Variants in GABPB1 observed in about 807,000 individuals in gnomAD.
The protein encoded by GABPB1 is GA binding protein transcription factor subunit beta 1, also known as GA-binding protein subunit beta-1.
GABPB1 carries 15 observed loss-of-function variants against 45.9 expected under a neutral mutation model. That is an observed-to-expected ratio of 0.33 (90% CI 0.22 to 0.50). The LOEUF (loss-of-function observed/expected upper bound fraction) is 0.50. Among genes scored for constraint, GABPB1 ranks in the 20% least tolerant of loss-of-function variants. GABPB1 has a pLI of 0.98. For missense variants in GABPB1, 252 were observed against 457.5 expected (o/e 0.55, Z 4.10); for synonymous variants, 143 against 154.4 (o/e 0.93, Z 0.55).
In GABPB1 at chr15:50,276,986, T is replaced by C. The variant is rs1230657834; in HGVS notation, c.*1646A>G. 6.6e-6 allele frequency: 1 copy of C among 152,222 alleles called. No homozygotes were observed. The highest frequency in any genetic ancestry group is 2.4e-5 in the African/African-American group (1 of 41,462). The allele number at this position is 152,222 out of a possible 1,614,324, so 9.4% of individuals were successfully genotyped here. On this transcript the variant is annotated 3_prime_UTR_variant, in exon 9 of 9. Coordinates refer to ENST00000380877, the MANE Select transcript of GABPB1 (RefSeq NM_016654.5). Reference sequence around the variant, plus strand: ...TGAAAAAGATCTTTTTCCTCTTCCTTACAGAGTTCTTCAATTTGCCCTAAA... The same window carrying C: ...TGAAAAAGATCTTTTTCCTCTTCCTCACAGAGTTCTTCAATTTGCCCTAAA...
At chr15:50,354,960 G>A (rs1482711368) in intron 1 of GABPB1, 25 bp downstream of exon 1, 2 of 213,306 alleles carry the variant, frequency 9.4e-6, no homozygotes, top group Non-Finnish European at 1.9e-5. Flanking sequence ...GGTGGTAACA[G>A]GGCCCTACAC....
In GABPB1 at chr15:50,335,294, T is replaced by C. The variant is rs1366976998; in HGVS notation, c.-1+19691A>G. 3.3e-5 allele frequency among the ~76,000 whole-genome samples: 5 copies of C among 152,182 alleles called. No homozygotes were observed. The East Asian group carries it at 9.6e-4, about 29-fold the overall frequency. On this transcript the variant is annotated intron_variant, in intron 1 of 8. Coordinates refer to ENST00000380877, the MANE Select transcript of GABPB1 (RefSeq NM_016654.5). ...CATCCTTACCTCTCAGCTGTAGATA[T>C]ATGGAGCCCAAGCCTAATTAGGCAA...
chr15:50,340,654 C>A (rs1257789932), intron 1 of GABPB1, among the ~76,000 whole-genome samples: 1 of 151,252 alleles, frequency 6.6e-6, no homozygotes, highest in Non-Finnish European at 1.5e-5. Context: ...GAAAGAACTT[C>A]CTCATTTTTT....
intron 1 of GABPB1, among the ~76,000 whole-genome samples, chr15:50,324,644 A>G (rs1000145923): frequency 8.1e-5 from 12 of 148,692 alleles, no homozygotes; most frequent in Non-Finnish European, 1.8e-4. Flanking sequence ...TCCCGAGTTC[A>G]AGCAATTCCC....
intron 1 of GABPB1, among the ~76,000 whole-genome samples, chr15:50,323,010 C>G (rs1229890088): frequency 6.6e-6 from 1 of 152,168 alleles, no homozygotes; most frequent in Non-Finnish European, 1.5e-5. Flanking sequence ...GTCTGGGCAA[C>G]AGGAGTGAGA....
chr15:50,353,092 T>C (rs1471291606), intron 1 of GABPB1: 1 of 152,258 alleles, frequency 6.6e-6, no homozygotes, highest in Non-Finnish European at 1.5e-5. Flanking sequence ...TGATAGCATA[T>C]GTGGAATTCA....
intron 5 of GABPB1, 129 bp from the exon 6 acceptor site, chr15:50,301,031 G>A (rs534821196): frequency 1.3e-6 from 1 of 788,256 alleles, no homozygotes; most frequent in African/African-American, 1.7e-5. Flanking sequence ...AGGTAATACT[G>A]CAGTAAATTT....
chr15:50,317,161 C>T (rs529431804), intron 1 of GABPB1, among the ~76,000 whole-genome samples: 8 of 151,822 alleles, frequency 5.3e-5, no homozygotes, highest in Non-Finnish European at 7.4e-5. Flanking sequence ...TTTGGGAGGC[C>T]GAGGCAGGTG....
intron 6 of GABPB1, among the ~76,000 whole-genome samples, chr15:50,297,503 C>A (rs888658315): frequency 6.6e-6 from 1 of 152,162 alleles, no homozygotes; most frequent in Non-Finnish European, 1.5e-5. Flanking sequence ...AGTGAGCCTG[C>A]GCTCCCGGCA....
intron 1 of GABPB1, among the ~76,000 whole-genome samples, chr15:50,310,706 C>T (rs891695260): frequency 2.6e-5 from 4 of 152,068 alleles, no homozygotes; most frequent in Non-Finnish European, 2.9e-5. Flanking sequence ...AGGCCAGGTG[C>T]GATGGCACAT....
In GABPB1 at chr15:50,278,661, G is replaced by C; in HGVS notation, c.1123C>G (p.Arg375Gly). 1.2e-6 allele frequency: 2 copies of C among 1,611,762 alleles called. No individual in the cohort carries two copies. Among genetic ancestry groups the C allele is most frequent in the South Asian group, 1.1e-5 (1 of 90,434 alleles). The change falls in exon 9 of 9, where the codon CGT becomes GGT. Residue 375 changes from arginine to glycine, a missense_variant. By Grantham distance (125) the Arg-to-Gly change is moderately radical. Coordinates refer to ENST00000380877, the MANE Select transcript of GABPB1 (RefSeq NM_016654.5). ...ACAGCTTCTTTATTAGTCTGAAGAC[G>C]AGTCATAGCTTCCAACTTCTGTCTG... ...AYRQKLEAMTRLQTNKEAV is the reference protein window; with the variant it reads ...AYRQKLEAMTGLQTNKEAV
At chr15:50,313,006 T>C (rs1477037040) in intron 1 of GABPB1, among the ~76,000 whole-genome samples, 1 of 152,176 alleles carries the variant, frequency 6.6e-6, no homozygotes, top group South Asian at 2.1e-4. Context: ...CACATAGTAT[T>C]TTCTATGGGT....
intron 8 of GABPB1, among the ~76,000 whole-genome samples, chr15:50,285,593 T>C (rs2046125884): frequency 6.6e-6 from 1 of 152,138 alleles, no homozygotes; most frequent in South Asian, 2.1e-4. Flanking sequence ...CTAGTCTAAA[T>C]TCATTTACTT....
At chr15:50,290,754 G>C (rs1360806900) in intron 6 of GABPB1, among the ~76,000 whole-genome samples, 1 of 152,208 alleles carries the variant, frequency 6.6e-6, no homozygotes, top group Non-Finnish European at 1.5e-5. Context: ...GTGGTACTAT[G>C]TGATAGTAAA....
Position 50,304,074 on chromosome 15 carries a change from T to C in GABPB1, c.168A>G (p.Val56=), listed in dbSNP as rs2046852996. The C allele has an allele frequency of 1.2e-6, 2 of 1,613,340 alleles. No individual in the cohort carries two copies. The highest frequency in any genetic ancestry group is 2.2e-5 in the South Asian group (2 of 90,948). ...AQYGHYSTTE[V]LLRAGVSRDA... is the part of the protein sequence containing the mutation. ...CTCTGCTCACACCAGCTCGCAGCAG[T>C]ACCTCTGTGGTGGAATAATGACCAT... Residue 56 remains valine, a synonymous_variant, in exon 3 of 9, where the codon GTA becomes GTG. Transcript: ENST00000380877.
At chr15:50,298,069 GAT>G (rs1380547479) in intron 6 of GABPB1, among the ~76,000 whole-genome samples, 2 of 152,124 alleles carry the variant, frequency 1.3e-5, no homozygotes, top group Non-Finnish European at 2.9e-5. Context: ...TTTACTTTCA[GAT>G]ATATGTGTTT....
intron 7 of GABPB1, 91 bp downstream of exon 7, chr15:50,289,390 AAC>A: frequency 1.3e-6 from 1 of 778,934 alleles, no homozygotes; most frequent in Non-Finnish European, 1.9e-6. Context: ...ATTAAAAATA[AAC>A]ACAATCTTTT....
chr15:50,283,398 T>A (rs2046052505), intron 8 of GABPB1, among the ~76,000 whole-genome samples: 1 of 152,082 alleles, frequency 6.6e-6, no homozygotes, highest in Non-Finnish European at 1.5e-5. Flanking sequence ...TATGCAGATG[T>A]AAAGCCCCAC....
At chr15:50,346,206 A>C (rs2048572343) in intron 1 of GABPB1, among the ~76,000 whole-genome samples, 1 of 152,152 alleles carries the variant, frequency 6.6e-6, no homozygotes, top group African/African-American at 2.4e-5. Flanking sequence ...TTCCTTTTTC[A>C]CTTATATAGA....
Sources: gnomAD v4.1 joint callset for allele counts (sites outside exome capture counted in the v4.1 genomes callset) on GRCh38, gnomAD v4.1.1 for gene constraint, MANE v1.5 for transcripts, NCBI Gene and HGNC (gene_info 2026-07-23, HGNC 2026-07-21) for gene names.